Variants in CARMIL1 observed in about 807,000 individuals in gnomAD.
CARMIL1 encodes the protein F-actin-uncapping protein LRRC16A.
CARMIL1 carries 90 observed loss-of-function variants against 177.1 expected under a neutral mutation model. The ratio of observed to expected loss-of-function variants is 0.51; its 90% CI spans 0.43 to 0.61. CARMIL1 has a LOEUF of 0.61. CARMIL1 is among the 20% of genes least tolerant of loss of function. The probability of loss-of-function intolerance (pLI) is 0.00; values close to 1 mark genes in which losing one functional copy is unlikely to be tolerated. For missense variants in CARMIL1, 1,380 were observed against 1,667.0 expected, an observed-to-expected ratio of 0.83 and a Z score of 3.00; for synonymous variants, 577 against 606.2, an observed-to-expected ratio of 0.95 and a Z score of 0.71.
chr6:25,378,568 TG>T (rs1791236023), intron 2 of CARMIL1, among the ~76,000 whole-genome samples: 1 of 152,192 alleles, frequency 6.6e-6, no homozygotes, highest in African/African-American at 2.4e-5. Context: ...TGCTGGAGAC[TG>T]GGAGTGCACT....
At chr6:25,553,931 A>C (rs926780671) in intron 27 of CARMIL1, 78 bp from the exon 28 acceptor site, 4 of 857,156 alleles carry the variant, frequency 4.7e-6, no homozygotes, top group Non-Finnish European at 5.8e-6. Context: ...TGACCTTATC[A>C]CTATAGCAGC....
chr6:25,295,449 T>C (rs1016307443), intron 2 of CARMIL1, among the ~76,000 whole-genome samples: 1 of 152,206 alleles, frequency 6.6e-6, no homozygotes, highest in Non-Finnish European at 1.5e-5. Flanking sequence ...TTATTTCTCT[T>C]GGATAAATTC....
intron 2 of CARMIL1, among the ~76,000 whole-genome samples, chr6:25,392,394 A>G (rs1432518360): frequency 6.6e-6 from 1 of 152,202 alleles, no homozygotes; most frequent in Non-Finnish European, 1.5e-5. Context: ...TAATTTCTAT[A>G]CATTGTTCCC....
At chr6:25,432,992 C>G (rs1796945764) in intron 4 of CARMIL1, 1 of 152,172 alleles carries the variant, frequency 6.6e-6, no homozygotes, top group Non-Finnish European at 1.5e-5. Context: ...CTGTTCCTCC[C>G]CAGCTGAAGT....
chr6:25,279,652 TTC>T lies in CARMIL1; in HGVS notation c.-142_-141del, dbSNP rs1780912564. 4 of 732,872 alleles carry T rather than the reference TTC, an allele frequency of 5.5e-6. No individual in the cohort carries two copies. In the South Asian group the frequency reaches 6.4e-5, roughly 12 times the overall value. 45.4% of individuals were successfully genotyped at this position (732,872 alleles called of 1,614,324 possible). A position where few individuals can be genotyped will look rare whatever the true frequency, so the allele number is the denominator to read the frequency against. On this transcript the variant is annotated 5_prime_UTR_variant, in exon 1 of 37. Coordinates refer to ENST00000329474, the MANE Select transcript of CARMIL1 (RefSeq NM_017640.6). ...GTGGGGCGGGGGGCGCGCGGCAAAA[TTC>T]TGTCTCCGCCCCCCCTTTTCTTGCC... is the stretch of plus-strand genomic sequence containing the variant.
At chr6:25,294,843 A>T (rs780810852) in intron 2 of CARMIL1, among the ~76,000 whole-genome samples, 2 of 152,198 alleles carry the variant, frequency 1.3e-5, no homozygotes, top group Non-Finnish European at 2.9e-5. Flanking sequence ...TTTGGGGATC[A>T]CACATGCTTG....
chr6:25,448,085 G>T (rs534134476), intron 5 of CARMIL1, among the ~76,000 whole-genome samples: 1 of 151,966 alleles, frequency 6.6e-6, no homozygotes, highest in South Asian at 2.1e-4. Flanking sequence ...ACTCTCAGCT[G>T]GACTCTTAAC....
At chr6:25,614,628 G>A (rs193295622) in intron 36 of CARMIL1, among the ~76,000 whole-genome samples, 4 of 152,248 alleles carry the variant, frequency 2.6e-5, no homozygotes, top group African/African-American at 9.6e-5. Flanking sequence ...GGTTTCTGGA[G>A]CTTTACATTT....
intron 3 of CARMIL1, among the ~76,000 whole-genome samples, chr6:25,421,695 T>TAA (rs758551209): frequency 6.8e-6 from 1 of 147,144 alleles, no homozygotes; most frequent in Admixed American, 6.8e-5. Flanking sequence ...TACGCAGCCA[T>TAA]AAAAGTGAGT....
At chr6:25,481,984 A>G (rs1802159874) in intron 11 of CARMIL1, among the ~76,000 whole-genome samples, 1 of 152,248 alleles carries the variant, frequency 6.6e-6, no homozygotes, top group African/African-American at 2.4e-5. Context: ...ACTGTGAGAA[A>G]AAGAGTGACA....
At chr6:25,338,020 G>C (rs1333021438) in intron 2 of CARMIL1, among the ~76,000 whole-genome samples, 3 of 152,148 alleles carry the variant, frequency 2.0e-5, no homozygotes, top group African/African-American at 7.2e-5. Flanking sequence ...ACTTTGTGAG[G>C]CTGAGGCGGG....
chr6:25,441,859 T>A (rs1025107109), intron 5 of CARMIL1, among the ~76,000 whole-genome samples: 1 of 151,868 alleles, frequency 6.6e-6, no homozygotes, highest in African/African-American at 2.4e-5. Context: ...TTTTCTACTA[T>A]CAAGAACCTT....
intron 8 of CARMIL1, among the ~76,000 whole-genome samples, chr6:25,457,970 A>G (rs1799688547): frequency 6.6e-6 from 1 of 152,198 alleles, no homozygotes; most frequent in Admixed American, 6.5e-5. Flanking sequence ...AACACTGTCT[A>G]TTTAAAAGTC....
At chr6:25,316,924 C>T (rs184925785) in intron 2 of CARMIL1, among the ~76,000 whole-genome samples, 8 of 152,254 alleles carry the variant, frequency 5.3e-5, no homozygotes, top group Admixed American at 4.6e-4. Flanking sequence ...AGACTCGGTA[C>T]TTCTGTCTCA....
At chr6:25,411,144 A>T (rs979820265) in intron 2 of CARMIL1, among the ~76,000 whole-genome samples, 1 of 152,202 alleles carries the variant, frequency 6.6e-6, no homozygotes, top group Non-Finnish European at 1.5e-5. Context: ...TTTAAAACAT[A>T]AATATGACAG....
intron 29 of CARMIL1, among the ~76,000 whole-genome samples, chr6:25,568,140 G>T (rs1013396119): frequency 2.6e-5 from 4 of 152,094 alleles, no homozygotes; most frequent in Non-Finnish European, 4.4e-5. Context: ...TTGGAAACTG[G>T]ACCAAAAAAA....
chr6:25,450,798 T>G (rs1289568044), intron 8 of CARMIL1, 87 bp downstream of exon 8: 2 of 10,818 alleles, frequency 1.8e-4, no homozygotes, highest in Non-Finnish European at 1.9e-4. Flanking sequence ...CCTCCCTCCC[T>G]TCCTCCCTCC....
chr6:25,368,252 G>A (rs74596052), intron 2 of CARMIL1, among the ~76,000 whole-genome samples: 4,471 of 152,280 alleles, frequency 0.029, 81 homozygotes, highest in Middle Eastern at 0.095. Flanking sequence ...GGTCAGACAC[G>A]ACTTACTTAG....
At position 25,347,754 on chromosome 6, in the gene CARMIL1, A is replaced by G. The variant is rs74898478; in HGVS notation, c.138+62845A>G. On this transcript the variant is annotated intron_variant, in intron 2 of 36. Coordinates refer to ENST00000329474, the MANE Select transcript of CARMIL1 (RefSeq NM_017640.6). The stretch of plus-strand genomic sequence containing the variant: ...AAAACTGAGAAATCAACAGTAATAC[A>G]ATACTATTAACTAAACTGCAGACTT... Among the ~76,000 whole-genome samples, 22 of 152,370 alleles carry G rather than the reference A, an allele frequency of 1.4e-4. 1 individual carries two copies. The East Asian group carries it at 3.9e-3, about 27-fold the overall frequency.
Sources: allele counts gnomAD v4.1 joint callset (sites outside exome capture counted in the v4.1 genomes callset), GRCh38; gene constraint gnomAD v4.1.1; transcripts MANE v1.5; gene names NCBI Gene and HGNC (gene_info 2026-07-23, HGNC 2026-07-21).